Variants in MCTP2 observed in about 807,000 individuals in gnomAD.
The protein encoded by MCTP2 is multiple C2 and transmembrane domain-containing protein 2.
Under a neutral mutation model 111.6 loss-of-function variants are expected in MCTP2, and 132 were observed. The ratio of observed to expected loss-of-function variants is 1.18; its 90% confidence interval spans 1.03 to 1.37. The LOEUF is 1.37. Ranked by LOEUF, MCTP2 falls within the 40% of genes most tolerant of loss-of-function variation. The pLI, the probability that MCTP2 is intolerant of heterozygous loss-of-function variation, is 0.00. For synonymous variants in MCTP2, 395 were observed against 387.7 expected, an observed-to-expected ratio of 1.02 and a Z score of -0.22; for missense variants, 1,183 against 1,067.9, an observed-to-expected ratio of 1.11 and a Z score of -1.50.
chr15:94,244,727 C>T (rs992790484), intron 1 of MCTP2, among the ~76,000 whole-genome samples: 2 of 145,618 alleles, frequency 1.4e-5, no homozygotes, highest in South Asian at 2.2e-4. Context: ...TGTTTATATT[C>T]GTATATGTAT....
At chr15:94,439,397 T>A (rs1265082284) in intron 17 of MCTP2, among the ~76,000 whole-genome samples, 1 of 151,944 alleles carries the variant, frequency 6.6e-6, no homozygotes, top group East Asian at 1.9e-4. Context: ...TACCGGTGAG[T>A]TTGAAACGAA....
chr15:94,436,473 A>T (rs890459392), intron 17 of MCTP2, among the ~76,000 whole-genome samples: 1 of 152,224 alleles, frequency 6.6e-6, no homozygotes, highest in African/African-American at 2.4e-5. Context: ...TGATTTAAAA[A>T]ATATATATCT....
chr15:94,346,469 A>G lies in MCTP2; in HGVS notation c.1005+1305A>G, dbSNP rs759366041. Among the ~76,000 whole-genome samples, 4 of 152,128 alleles carry G rather than the reference A, an allele frequency of 2.6e-5. No individual in the cohort carries two copies. In the East Asian group the frequency reaches 7.7e-4, roughly 29 times the overall value. On this transcript the variant is annotated intron_variant, in intron 8 of 22. Transcript: ENST00000357742. ...AGAGGGTAGAAGAACATCATTTCTCACCACAGGACTAAGCCCAGCTCTCAC... is the reference window on the plus strand; with the variant it reads ...AGAGGGTAGAAGAACATCATTTCTCGCCACAGGACTAAGCCCAGCTCTCAC...
intron 18 of MCTP2, among the ~76,000 whole-genome samples, chr15:94,441,253 AG>A (rs1475574485): frequency 1.3e-5 from 2 of 152,240 alleles, no homozygotes; most frequent in African/African-American, 4.8e-5. Flanking sequence ...GAAAAACCTC[AG>A]GCAATTTCAA....
chr15:94,270,413 G>A (rs1241231186), intron 1 of MCTP2, among the ~76,000 whole-genome samples: 4 of 152,198 alleles, frequency 2.6e-5, no homozygotes. Context: ...GTAGGAACTA[G>A]TAGAGGAATT....
intron 17 of MCTP2, among the ~76,000 whole-genome samples, chr15:94,423,939 C>A (rs928057057): frequency 6.6e-6 from 1 of 152,212 alleles, no homozygotes; most frequent in African/African-American, 2.4e-5. Context: ...GCCCCACTTA[C>A]AAACTGAACA....
At chr15:94,303,793 C>A (rs1036572821) in intron 2 of MCTP2, among the ~76,000 whole-genome samples, 1 of 152,152 alleles carries the variant, frequency 6.6e-6, no homozygotes, top group African/African-American at 2.4e-5. Context: ...CTAGTGGAAA[C>A]CTTCCTTCTC....
At chr15:94,459,730 C>G (rs533677462) in intron 20 of MCTP2, among the ~76,000 whole-genome samples, 49 of 152,238 alleles carry the variant, frequency 3.2e-4, no homozygotes, top group African/African-American at 8.9e-4. Flanking sequence ...TTTCCTCACT[C>G]AACTATCAGT....
intron 22 of MCTP2, among the ~76,000 whole-genome samples, chr15:94,478,675 T>C (rs774110924): frequency 6.6e-6 from 1 of 152,248 alleles, no homozygotes; most frequent in Non-Finnish European, 1.5e-5. Context: ...TACTTATGGT[T>C]GAAAACTGGC....
intron 14 of MCTP2, among the ~76,000 whole-genome samples, chr15:94,393,467 A>T (rs887471808): frequency 1.3e-5 from 2 of 152,204 alleles, no homozygotes; most frequent in African/African-American, 4.8e-5. Flanking sequence ...AAACACAACA[A>T]TTTCAAGATA....
chr15:94,374,370 G>A (rs1392519487), intron 12 of MCTP2, among the ~76,000 whole-genome samples: 1 of 152,164 alleles, frequency 6.6e-6, no homozygotes, highest in African/African-American at 2.4e-5. Context: ...AACTATATTG[G>A]TTTGCTCAGC....
At chr15:94,296,083 T>A (rs1471185167) in intron 1 of MCTP2, among the ~76,000 whole-genome samples, 1 of 152,250 alleles carries the variant, frequency 6.6e-6, no homozygotes, top group Non-Finnish European at 1.5e-5. Flanking sequence ...TTGTGGGTCC[T>A]CTGGTTGTAT....
intron 1 of MCTP2, among the ~76,000 whole-genome samples, chr15:94,248,570 G>A (rs1440451149): frequency 6.6e-6 from 1 of 152,152 alleles, no homozygotes; most frequent in East Asian, 1.9e-4. Context: ...TCTTTCGCTT[G>A]TTGCTTTTAG....
At chr15:94,325,035 C>G (rs1325141656) in intron 4 of MCTP2, among the ~76,000 whole-genome samples, 1 of 152,156 alleles carries the variant, frequency 6.6e-6, no homozygotes, top group Non-Finnish European at 1.5e-5. Context: ...CTGGGCACCT[C>G]TGTTAGGCTT....
chr15:94,410,785 A>G (rs1399257707), intron 17 of MCTP2, among the ~76,000 whole-genome samples: 1 of 152,270 alleles, frequency 6.6e-6, no homozygotes, highest in African/African-American at 2.4e-5. Flanking sequence ...TGCTAGAACT[A>G]GTGAAAATCA....
chr15:94,330,237 A>T (rs1252573882), intron 4 of MCTP2, among the ~76,000 whole-genome samples: 1 of 152,126 alleles, frequency 6.6e-6, no homozygotes, highest in African/African-American at 2.4e-5. Context: ...TGTTAATGTT[A>T]TTCTTGAATT....
chr15:94,285,706 T>A (rs1283562151), intron 1 of MCTP2, among the ~76,000 whole-genome samples: 1 of 152,180 alleles, frequency 6.6e-6, no homozygotes, highest in African/African-American at 2.4e-5. Flanking sequence ...CCCTTTCCTT[T>A]TCTCCAAACT....
chr15:94,376,048 C>T (rs2079754537), intron 12 of MCTP2, among the ~76,000 whole-genome samples: 1 of 152,144 alleles, frequency 6.6e-6, no homozygotes, highest in South Asian at 2.1e-4. Context: ...AGAGAAGGCT[C>T]AATCTTCACT....
At position 94,482,409 on chromosome 15, in the gene MCTP2, T is replaced by C. The variant is rs1205626554; in HGVS notation, c.*3375T>C. 6.6e-6 allele frequency: 1 copy of C among 152,128 alleles called. No homozygotes were observed. Among genetic ancestry groups the C allele is most frequent in the Non-Finnish European group, 1.5e-5 (1 of 68,024 alleles). The allele number at this position is 152,128 out of a possible 1,614,324, so 9.4% of individuals were successfully genotyped here. A position where few individuals can be genotyped will look rare whatever the true frequency, so the allele number is the denominator to read the frequency against. ...AGATAAAGTGAGCAGGACTTAACAA[T>C]TGCTGGACTATGGGATGAGGGAGCG... On this transcript the variant is annotated 3_prime_UTR_variant, in exon 23 of 23. Coordinates refer to ENST00000357742, the MANE Select transcript of MCTP2 (RefSeq NM_001385001.1).
Sources: allele counts gnomAD v4.1 joint callset (sites outside exome capture counted in the v4.1 genomes callset), GRCh38; gene constraint gnomAD v4.1.1; transcripts MANE v1.5; gene names NCBI Gene and HGNC (gene_info 2026-07-23, HGNC 2026-07-21).